PROS1: variants seen among roughly 807,000 people sequenced by gnomAD.
PROS1 encodes the protein protein S.
A neutral mutation model predicts 75.9 loss-of-function variants in PROS1; 29 were observed. That is an observed-to-expected ratio of 0.38 (90% CI 0.28 to 0.52). The LOEUF (loss-of-function observed/expected upper bound fraction) is 0.52. Ranked by LOEUF, PROS1 falls within the 20% of genes least tolerant of loss-of-function variation. The pLI, the probability that PROS1 is intolerant of heterozygous loss-of-function variation, is 0.83. For synonymous variants in PROS1, 245 were observed against 280.6 expected, an observed-to-expected ratio of 0.87 and a Z score of 1.27; for missense variants, 680 against 810.3, an observed-to-expected ratio of 0.84 and a Z score of 1.95.
chr3:93,973,813 G>A lies in PROS1; in HGVS notation c.-64C>T. On this transcript the variant is annotated 5_prime_UTR_variant, in exon 1 of 15. Coordinates refer to ENST00000394236, the MANE Select transcript of PROS1 (RefSeq NM_000313.4). Reference sequence around the variant, plus strand: ...GTCGCGGCGGGGACCGGAGCGCTAGGCGCCGCGGAGCTGCGAGCCTGTGCG... The same window carrying A: ...GTCGCGGCGGGGACCGGAGCGCTAGACGCCGCGGAGCTGCGAGCCTGTGCG... 1.4e-6 allele frequency: 2 copies of A among 1,403,876 alleles called. No individual in the cohort carries two copies. Among genetic ancestry groups the A allele is most frequent in the Non-Finnish European group, 2.0e-6 (2 of 1,025,478 alleles). The allele number at this position is 1,403,876 out of a possible 1,614,324, so 87.0% of individuals were successfully genotyped here. A position where few individuals can be genotyped will look rare whatever the true frequency, so the allele number is the denominator to read the frequency against.
chr3:93,928,345 G>GA (rs947403695), intron 1 of PROS1, among the ~76,000 whole-genome samples: 6 of 150,038 alleles, frequency 4.0e-5, no homozygotes, highest in African/African-American at 1.2e-4. Flanking sequence ...TGAAAAAAAA[G>GA]AAAAAACATG....
intron 1 of PROS1, among the ~76,000 whole-genome samples, chr3:93,944,959 A>G (rs1709356303): frequency 6.6e-6 from 1 of 152,164 alleles, no homozygotes; most frequent in Non-Finnish European, 1.5e-5. Flanking sequence ...AATCAAATAG[A>G]CGCAATAAAA....
chr3:93,906,250 AC>A, intron 4 of PROS1, 107 bp from the exon 5 acceptor site: 1 of 1,185,100 alleles, frequency 8.4e-7, no homozygotes, highest in South Asian at 1.4e-5. Context: ...TGAAAAAAAA[AC>A]ACACAACTCC....
intron 4 of PROS1, among the ~76,000 whole-genome samples, chr3:93,909,246 T>C (rs566710961): frequency 6.6e-6 from 1 of 152,144 alleles, no homozygotes; most frequent in South Asian, 2.1e-4. Context: ...GAGACCAGCC[T>C]GGAGAACACA....
chr3:93,904,394 T>C (rs1708643479), intron 6 of PROS1, among the ~76,000 whole-genome samples: 1 of 152,204 alleles, frequency 6.6e-6, no homozygotes, highest in Non-Finnish European at 1.5e-5. Flanking sequence ...AGATACATGA[T>C]CACAAATTGG....
chr3:93,886,258 T>A, intron 11 of PROS1, 78 bp downstream of exon 11: 1 of 1,344,250 alleles, frequency 7.4e-7, no homozygotes, highest in Non-Finnish European at 1.1e-6. Context: ...CTATTGATTC[T>A]CAGAAACACA....
intron 10 of PROS1, among the ~76,000 whole-genome samples, chr3:93,890,056 G>A (rs1340643504): frequency 3.3e-5 from 5 of 152,018 alleles, no homozygotes; most frequent in Non-Finnish European, 7.4e-5. Context: ...TTAATACCCT[G>A]GGGAAGGAAT....
intron 8 of PROS1, among the ~76,000 whole-genome samples, chr3:93,897,861 GC>G (rs1347404717): frequency 6.6e-6 from 1 of 152,012 alleles, no homozygotes; most frequent in Non-Finnish European, 1.5e-5. Flanking sequence ...GGTCAATTAT[GC>G]ATTAAATCTA....
intron 12 of PROS1, among the ~76,000 whole-genome samples, chr3:93,881,556 CTT>C (rs71105164): frequency 4.2e-5 from 5 of 118,446 alleles, no homozygotes; most frequent in Middle Eastern, 5.4e-3. Flanking sequence ...GTAGTAAGCA[CTT>C]TTTTTTTTTT....
At chr3:93,883,595 A>AAAAAAAAG (rs1258461997) in intron 12 of PROS1, among the ~76,000 whole-genome samples, 2 of 151,588 alleles carry the variant, frequency 1.3e-5, no homozygotes, top group Non-Finnish European at 2.9e-5. Context: ...CTCAGTCTCA[A>AAAAAAAAG]AAAAAAAGAA....
intron 1 of PROS1, among the ~76,000 whole-genome samples, chr3:93,946,467 A>T (rs1270269109): frequency 1.3e-5 from 2 of 152,184 alleles, no homozygotes; most frequent in Admixed American, 1.3e-4. Context: ...GATATAGACC[A>T]ATGGAACAGA....
intron 1 of PROS1, among the ~76,000 whole-genome samples, chr3:93,941,850 A>G (rs1488093903): frequency 6.6e-6 from 1 of 152,074 alleles, no homozygotes; most frequent in Admixed American, 6.5e-5. Context: ...TACAATTCTC[A>G]TAACTTCCAA....
At chr3:93,955,585 G>C (rs1709585665) in intron 1 of PROS1, among the ~76,000 whole-genome samples, 1 of 152,036 alleles carries the variant, frequency 6.6e-6, no homozygotes, top group Admixed American at 6.6e-5. Context: ...ATGGGATGGG[G>C]GGAGGGGGGA....
Position 93,896,686 on chromosome 3 carries a change from A to C in PROS1, c.855T>G (p.Val285=), listed in dbSNP as rs758693569. ...LAQDQKSCEV[V]SVCLPLNLDT... is the part of the protein sequence containing the mutation. ...CAAGGTTCAAGGGAAGGCACACTGA[A>C]ACAACCTGGAATAAAAGAAACCAAA... Residue 285 remains valine, a synonymous_variant, in exon 9 of 15, where the codon GTT becomes GTG. Coordinates refer to ENST00000394236, the MANE Select transcript of PROS1 (RefSeq NM_000313.4). 1.9e-6 allele frequency: 3 copies of C among 1,604,850 alleles called. No homozygotes were observed. Among genetic ancestry groups the C allele is most frequent in the Non-Finnish European group, 2.6e-6 (3 of 1,171,696 alleles).
chr3:93,954,785 A>G (rs1709570332), intron 1 of PROS1, among the ~76,000 whole-genome samples: 1 of 152,236 alleles, frequency 6.6e-6, no homozygotes, highest in South Asian at 2.1e-4. Flanking sequence ...CAGAGTGAAC[A>G]GGCAACCTAC....
chr3:93,905,888 T>C lies in PROS1; in HGVS notation c.497A>G (p.Asn166Ser), dbSNP rs1216174811. 3 of 1,612,668 alleles carry C rather than the reference T, an allele frequency of 1.9e-6. No homozygotes were observed. The highest frequency in any genetic ancestry group is 2.5e-6 in the Non-Finnish European group (3 of 1,178,732). ...AATTTGACTGCAACCTCCATTTATA[T>C]TTGAGGGATCTTTGCATTCATTTAT... ...FDINECKDPS[N>S]INGGCSQICD... Residue 166 changes from asparagine to serine, a missense_variant, in exon 6 of 15, where the codon AAT becomes AGT. Coordinates refer to ENST00000394236, the MANE Select transcript of PROS1 (RefSeq NM_000313.4).
intron 3 of PROS1, among the ~76,000 whole-genome samples, chr3:93,913,355 C>T (rs1559937290): frequency 6.6e-6 from 1 of 152,174 alleles, no homozygotes; most frequent in African/African-American, 2.4e-5. Flanking sequence ...ATACTGTGCT[C>T]ATGGTAGTGA....
Position 93,884,889 on chromosome 3 carries a change from G to A in PROS1, c.1331C>T (p.Pro444Leu), listed in dbSNP as rs369244777. The change falls in exon 12 of 15, where the codon CCT (proline) becomes CTT (leucine). Residue 444 changes from proline to leucine, a missense_variant. Physicochemically the swap from Pro to Leu is moderately conservative, Grantham distance 98 (BLOSUM62 -3). Coordinates refer to ENST00000394236, the MANE Select transcript of PROS1 (RefSeq NM_000313.4). ...VESELIKPIN[P>L]RLDGCIRSWN... ...GCTTCGTATACATCCATCTAGACGA[G>A]GGTTAATCTAACAAATTAAAATACA... The A allele has an allele frequency of 1.6e-4, 265 of 1,612,072 alleles. No individual in the cohort carries two copies. Among genetic ancestry groups the A allele is most frequent in the South Asian group, 2.6e-4 (24 of 90,614 alleles).
chr3:93,909,797 A>G (rs1314558217), intron 4 of PROS1, among the ~76,000 whole-genome samples: 1 of 151,822 alleles, frequency 6.6e-6, no homozygotes, highest in Non-Finnish European at 1.5e-5. Context: ...ATTTTTTAAA[A>G]AAGTCTTCAT....
Sources: allele counts gnomAD v4.1 joint callset (sites outside exome capture counted in the v4.1 genomes callset), GRCh38; gene constraint gnomAD v4.1.1; transcripts MANE v1.5; gene names NCBI Gene and HGNC (gene_info 2026-07-23, HGNC 2026-07-21).